Variants in TOX observed in about 807,000 individuals in gnomAD.
TOX encodes the protein thymocyte selection-associated high mobility group box protein TOX.
TOX carries 11 observed loss-of-function variants against 53.7 expected under a neutral mutation model. The observed-to-expected ratio is 0.20, with a 90% CI of 0.13 to 0.34. The LOEUF is 0.34. Ranked by LOEUF, TOX falls within the 10% of genes least tolerant of loss-of-function variation. The pLI, the probability that TOX is intolerant of heterozygous loss-of-function variation, is 1.00. For missense variants in TOX, 570 were observed against 664.6 expected (o/e 0.86, Z 1.56); for synonymous variants, 225 against 245.3 (o/e 0.92, Z 0.77).
chr8:59,116,965 T>C (rs1426845805), intron 1 of TOX, among the ~76,000 whole-genome samples: 1 of 152,236 alleles, frequency 6.6e-6, no homozygotes, highest in Non-Finnish European at 1.5e-5. Flanking sequence ...TATATTGAAG[T>C]AATTCCTGAT....
intron 1 of TOX, among the ~76,000 whole-genome samples, chr8:58,978,603 A>C (rs746273409): frequency 6.6e-6 from 1 of 152,234 alleles, no homozygotes; most frequent in African/African-American, 2.4e-5. Context: ...CTTTAAGAGC[A>C]GCTTTAGGTA....
At chr8:58,808,313 T>C in intron 7 of TOX, 44 bp from the exon 8 acceptor site, 1 of 1,573,098 alleles carries the variant, frequency 6.4e-7, no homozygotes, top group Non-Finnish European at 8.6e-7. Flanking sequence ...AAAATGCATT[T>C]TAAGAAGAAA....
chr8:59,002,710 A>G (rs1317882620), intron 1 of TOX, among the ~76,000 whole-genome samples: 6 of 152,214 alleles, frequency 3.9e-5, no homozygotes, highest in Non-Finnish European at 7.3e-5. Context: ...AAAAATAGTT[A>G]TAATGATTTT....
chr8:59,058,385 G>T (rs191718756), intron 1 of TOX, among the ~76,000 whole-genome samples: 3 of 152,328 alleles, frequency 2.0e-5, no homozygotes, highest in African/African-American at 2.4e-5. Flanking sequence ...GCATGAGCTG[G>T]TTCCTTCAAG....
chr8:59,071,321 C>T (rs1348893622), intron 1 of TOX, among the ~76,000 whole-genome samples: 1 of 152,160 alleles, frequency 6.6e-6, no homozygotes, highest in Non-Finnish European at 1.5e-5. Flanking sequence ...GCACCAACCA[C>T]CTGCTTACGT....
chr8:58,856,854 C>A (rs1318597906), intron 3 of TOX, among the ~76,000 whole-genome samples: 1 of 151,556 alleles, frequency 6.6e-6, no homozygotes, highest in Non-Finnish European at 1.5e-5. Context: ...GCTGAAGGCA[C>A]AAGAAAGGAG....
intron 2 of TOX, among the ~76,000 whole-genome samples, chr8:58,953,876 T>C (rs1226231808): frequency 1.3e-5 from 2 of 152,138 alleles, no homozygotes; most frequent in Non-Finnish European, 2.9e-5. Flanking sequence ...TTTTTGAAAG[T>C]ATTCTAAAAA....
chr8:59,023,096 C>A (rs1392432533), intron 1 of TOX, among the ~76,000 whole-genome samples: 2 of 152,036 alleles, frequency 1.3e-5, no homozygotes, highest in Non-Finnish European at 2.9e-5. Flanking sequence ...AAGTTCAGAC[C>A]AATGATGTGC....
At chr8:58,946,468 C>G (rs866827854) in intron 2 of TOX, among the ~76,000 whole-genome samples, 1 of 152,142 alleles carries the variant, frequency 6.6e-6, no homozygotes, top group African/African-American at 2.4e-5. Context: ...TAATGTATTA[C>G]TGTGGAAAGC....
rs1479452560 is a variant in TOX at position 59,006,603 on chromosome 8, T to G, written c.103-46595A>C. ...GTGCAGTCTTTTCTAATCTTTATGT[T>G]TCTCACAAAGGACCTAATATATATC... On this transcript the variant is annotated intron_variant, in intron 1 of 8. Coordinates refer to ENST00000361421, the MANE Select transcript of TOX (RefSeq NM_014729.3). Among the ~76,000 whole-genome samples the G allele has an allele frequency of 3.3e-5, 5 of 152,308 alleles. No individual in the cohort carries two copies. In the South Asian group the frequency reaches 1.0e-3, roughly 32 times the overall value.
chr8:59,048,201 A>G (rs1331608948), intron 1 of TOX, among the ~76,000 whole-genome samples: 1 of 152,222 alleles, frequency 6.6e-6, no homozygotes, highest in Non-Finnish European at 1.5e-5. Flanking sequence ...CAGCAAAGAA[A>G]ATATCTTTAT....
chr8:58,827,940 T>C (rs1375165169), intron 5 of TOX, among the ~76,000 whole-genome samples: 1 of 152,230 alleles, frequency 6.6e-6, no homozygotes, highest in Non-Finnish European at 1.5e-5. Flanking sequence ...TGTATTTTCA[T>C]TGATACAGCT....
chr8:58,817,479 G>A (rs1309315974), intron 6 of TOX, among the ~76,000 whole-genome samples: 1 of 151,794 alleles, frequency 6.6e-6, no homozygotes, highest in Non-Finnish European at 1.5e-5. Context: ...ACAATTCAAG[G>A]AAAAGGTCAA....
At chr8:58,864,094 A>C (rs1811057153) in intron 3 of TOX, among the ~76,000 whole-genome samples, 1 of 152,198 alleles carries the variant, frequency 6.6e-6, no homozygotes, top group Non-Finnish European at 1.5e-5. Context: ...CTATATTTTC[A>C]TAAAAGTAAT....
chr8:58,833,680 CA>C (rs1276170511), intron 5 of TOX, among the ~76,000 whole-genome samples: 4 of 152,210 alleles, frequency 2.6e-5, no homozygotes, highest in Admixed American at 6.5e-5. Flanking sequence ...CCATCTGGTG[CA>C]TTTTAAACAA....
At chr8:59,038,471 C>T (rs1803512333) in intron 1 of TOX, among the ~76,000 whole-genome samples, 1 of 152,222 alleles carries the variant, frequency 6.6e-6, no homozygotes, top group African/African-American at 2.4e-5. Context: ...ATTTTTCTCA[C>T]ATTCCATCTG....
chr8:58,840,489 C>T (rs1227656527), intron 4 of TOX, among the ~76,000 whole-genome samples: 1 of 152,170 alleles, frequency 6.6e-6, no homozygotes, highest in Non-Finnish European at 1.5e-5. Flanking sequence ...TGGTGCTCCT[C>T]AAACATGGCT....
At chr8:59,034,010 G>A (rs929699095) in intron 1 of TOX, among the ~76,000 whole-genome samples, 4 of 152,174 alleles carry the variant, frequency 2.6e-5, no homozygotes, top group African/African-American at 9.7e-5. Flanking sequence ...TCTGCAAGTG[G>A]CCAAGATTTT....
chr8:59,057,590 GT>G (rs1803907660), intron 1 of TOX, among the ~76,000 whole-genome samples: 1 of 152,188 alleles, frequency 6.6e-6, no homozygotes, highest in African/African-American at 2.4e-5. Flanking sequence ...ACTGCTGTGG[GT>G]GAATAAAAAG....
Sources: allele counts gnomAD v4.1 joint callset (sites outside exome capture counted in the v4.1 genomes callset), GRCh38; gene constraint gnomAD v4.1.1; transcripts MANE v1.5; gene names NCBI Gene and HGNC (gene_info 2026-07-23, HGNC 2026-07-21).